The following KCNK1 variants were observed in gnomAD, a reference collection of about 807,000 sequenced individuals.
KCNK1 encodes the protein potassium channel subfamily K member 1.
KCNK1 carries 10 observed loss-of-function variants against 22.2 expected under a neutral mutation model. The ratio of observed to expected loss-of-function variants is 0.45; its 90% CI spans 0.28 to 0.76. KCNK1 has a LOEUF of 0.76. Ranked by LOEUF, KCNK1 falls within the 30% of genes least tolerant of loss-of-function variation. The pLI, the probability that KCNK1 is intolerant of heterozygous loss-of-function variation, is 0.14. For synonymous variants in KCNK1, 200 were observed against 186.4 expected, an observed-to-expected ratio of 1.07 and a Z score of -0.60; for missense variants, 378 against 421.0, an observed-to-expected ratio of 0.90 and a Z score of 0.89.
chr1:233,641,065 C>T (rs1476181811), intron 1 of KCNK1, among the ~76,000 whole-genome samples: 16 of 152,196 alleles, frequency 1.1e-4, no homozygotes, highest in Admixed American at 1.0e-3. Context: ...ATTGGCATCT[C>T]TCTTAAAATC....
chr1:233,663,806 T>G (rs895011601), intron 1 of KCNK1, among the ~76,000 whole-genome samples: 3 of 151,870 alleles, frequency 2.0e-5, no homozygotes, highest in African/African-American at 7.3e-5. Flanking sequence ...GGTAACTACA[T>G]TTGCGAATCG....
At chr1:233,650,091 A>G (rs765255755) in intron 1 of KCNK1, 2 of 529,546 alleles carry the variant, frequency 3.8e-6, no homozygotes, top group East Asian at 1.1e-4. Flanking sequence ...GCCACCTAGA[A>G]GAGAACTTTT....
chr1:233,651,439 T>C (rs1658200524), intron 1 of KCNK1, among the ~76,000 whole-genome samples: 1 of 152,154 alleles, frequency 6.6e-6, no homozygotes. Flanking sequence ...GTTAATAGAT[T>C]TGCAACCTCG....
At chr1:233,620,878 C>T (rs1014074052) in intron 1 of KCNK1, among the ~76,000 whole-genome samples, 1 of 152,106 alleles carries the variant, frequency 6.6e-6, no homozygotes, top group East Asian at 1.9e-4. Context: ...CTTTATTGAA[C>T]CCTTTATATG....
chr1:233,668,273 T>C (rs1658534050), intron 2 of KCNK1, among the ~76,000 whole-genome samples: 3 of 152,218 alleles, frequency 2.0e-5, no homozygotes, highest in African/African-American at 4.8e-5. Flanking sequence ...AGATGCTCTG[T>C]CTTGGCCCTG....
intron 2 of KCNK1, among the ~76,000 whole-genome samples, chr1:233,668,600 A>G (rs1427962639): frequency 6.6e-6 from 1 of 151,874 alleles, no homozygotes; most frequent in Non-Finnish European, 1.5e-5. Flanking sequence ...TATAAATGAC[A>G]TTGTAGAGAA....
chr1:233,628,215 C>T (rs1341644630), intron 1 of KCNK1, among the ~76,000 whole-genome samples: 2 of 152,170 alleles, frequency 1.3e-5, no homozygotes, highest in Admixed American at 1.3e-4. Context: ...ATCAAATTGT[C>T]ATCGGTGATA....
Position 233,652,973 on chromosome 1 carries a change from C to T in KCNK1, c.356-13622C>T, listed in dbSNP as rs377761791. On this transcript the variant is annotated intron_variant, in intron 1 of 2. Coordinates refer to ENST00000366621, the MANE Select transcript of KCNK1 (RefSeq NM_002245.4). ...ATTCCTAAGGACAGTAAAGGACTCACCTGTGAGCATGCCTTTCCTATGCAA... is the reference window on the plus strand; with the variant it reads ...ATTCCTAAGGACAGTAAAGGACTCATCTGTGAGCATGCCTTTCCTATGCAA... 1.3e-4 allele frequency among the ~76,000 whole-genome samples: 20 copies of T among 152,342 alleles called. No individual in the cohort carries two copies. The East Asian group carries it at 1.4e-3, about 10-fold the overall frequency.
chr1:233,661,930 C>A, intron 1 of KCNK1: 1 of 152,200 alleles, frequency 6.6e-6, no homozygotes, highest in East Asian at 1.9e-4. Flanking sequence ...ATGAGTTTCA[C>A]CATACAGTGA....
At chr1:233,668,413 C>T (rs1658535808) in intron 2 of KCNK1, among the ~76,000 whole-genome samples, 1 of 152,172 alleles carries the variant, frequency 6.6e-6, no homozygotes, top group Non-Finnish European at 1.5e-5. Flanking sequence ...TGCCTGGCTA[C>T]CATACAAGTT....
chr1:233,644,067 T>G (rs1436109766), intron 1 of KCNK1, among the ~76,000 whole-genome samples: 1 of 152,208 alleles, frequency 6.6e-6, no homozygotes, highest in Non-Finnish European at 1.5e-5. Context: ...AACAGAAATT[T>G]ATTTCTCAAA....
intron 1 of KCNK1, among the ~76,000 whole-genome samples, chr1:233,653,993 G>A (rs1034617246): frequency 6.6e-6 from 1 of 152,116 alleles, no homozygotes; most frequent in African/African-American, 2.4e-5. Context: ...AGCCTACATT[G>A]CTGTGAATTG....
At chr1:233,632,757 C>T (rs1182542495) in intron 1 of KCNK1, among the ~76,000 whole-genome samples, 1 of 152,144 alleles carries the variant, frequency 6.6e-6, no homozygotes, top group Non-Finnish European at 1.5e-5. Context: ...GTTTGGGCCT[C>T]TTTTCAGAAG....
rs1321564586 is a variant in KCNK1 at position 233,614,329 on chromosome 1, G to T, written c.158G>T (p.Arg53Leu). ...SVELPYEDLL[R>L]QELRKLKRRF... ...GAGCTGCCCTATGAGGACCTGCTGC[G>T]CCAGGAGCTGCGCAAGCTGAAGCGA... is the stretch of plus-strand genomic sequence containing the variant. Residue 53 changes from arginine (R) to leucine (L), a missense_variant, in exon 1 of 3, where the codon CGC (arginine) becomes CTC (leucine). Transcript: ENST00000366621. 1.9e-6 allele frequency: 3 copies of T among 1,611,706 alleles called. No homozygotes were observed. The highest frequency in any genetic ancestry group is 1.3e-5 in the African/African-American group (1 of 75,006).
At chr1:233,618,144 C>T (rs982012581) in intron 1 of KCNK1, among the ~76,000 whole-genome samples, 1 of 152,076 alleles carries the variant, frequency 6.6e-6, no homozygotes, top group Non-Finnish European at 1.5e-5. Flanking sequence ...AAGAGGAAGG[C>T]GAGAATGATC....
At chr1:233,625,526 G>A (rs547629730) in intron 1 of KCNK1, among the ~76,000 whole-genome samples, 35 of 152,204 alleles carry the variant, frequency 2.3e-4, no homozygotes, top group African/African-American at 8.2e-4. Context: ...GGAGAAGGTC[G>A]GAGAAAAACT....
chr1:233,650,798 GAA>G lies in KCNK1; in HGVS notation c.356-15783_356-15782del, dbSNP rs11441644. On this transcript the variant is annotated intron_variant, in intron 1 of 2. Transcript: ENST00000366621. Reference sequence around the variant, plus strand: ...CCTAAATAAAGTCTTTCGAACAATAGAAAAAAAAAAAAAAACTGTTGACTTCA... The same window carrying G: ...CCTAAATAAAGTCTTTCGAACAATAGAAAAAAAAAAAAACTGTTGACTTCA... 2.3e-3 allele frequency among the ~76,000 whole-genome samples: 296 copies of G among 130,500 alleles called. 2 individuals are homozygous for G. The highest frequency in any genetic ancestry group is 8.1e-3 in the African/African-American group (284 of 35,152). The allele number at this position is 130,500 out of a possible 152,430, so 85.6% of individuals were successfully genotyped here.
Position 233,671,204 on chromosome 1 carries a change from A to G in KCNK1, c.752-67A>G, listed in dbSNP as rs542439358. 21 of 1,449,428 alleles carry G rather than the reference A, an allele frequency of 1.4e-5. No individual in the cohort carries two copies. In the Middle Eastern group the frequency reaches 5.5e-4, roughly 38 times the overall value. 89.8% of individuals were successfully genotyped at this position (1,449,428 alleles called of 1,614,324 possible). ...CTGTGTTGGCATGAGGTGGGGAGGT[A>G]AATCACTCGCTACTTGATTTATCCA... On this transcript the variant is annotated intron_variant, in intron 2 of 2. Transcript: ENST00000366621.
chr1:233,667,653 C>A (rs545232602), intron 2 of KCNK1, among the ~76,000 whole-genome samples: 10 of 142,290 alleles, frequency 7.0e-5, no homozygotes, highest in Non-Finnish European at 9.1e-5. Context: ...TGGCGTGAAC[C>A]CGGGAGGCGG....
Sources: gnomAD v4.1 joint callset for allele counts (sites outside exome capture counted in the v4.1 genomes callset) on GRCh38, gnomAD v4.1.1 for gene constraint, MANE v1.5 for transcripts, NCBI Gene and HGNC (gene_info 2026-07-23, HGNC 2026-07-21) for gene names.